STON2: variants seen among roughly 807,000 people sequenced by gnomAD.
STON2 encodes the protein stonin-2.
In STON2, 29 loss-of-function variants were observed where a neutral mutation model predicts 65.7. The observed-to-expected ratio is 0.44, with a 90% CI of 0.33 to 0.60. STON2 has a LOEUF of 0.60. Among genes scored for constraint, STON2 ranks in the 20% least tolerant of loss-of-function variants. The pLI, the probability that STON2 is intolerant of heterozygous loss-of-function variation, is 0.03. For missense variants in STON2, 1,054 were observed against 1,118.1 expected (o/e 0.94, Z 0.82); for synonymous variants, 404 against 414.2 (o/e 0.98, Z 0.30).
intron 5 of STON2, among the ~76,000 whole-genome samples, chr14:81,312,386 C>A (rs1434901406): frequency 6.6e-6 from 1 of 152,052 alleles, no homozygotes; most frequent in Non-Finnish European, 1.5e-5. Context: ...CCCATACTCT[C>A]TTATCTACAC....
intron 5 of STON2, among the ~76,000 whole-genome samples, chr14:81,304,359 T>C (rs1896088884): frequency 1.3e-5 from 2 of 152,120 alleles, no homozygotes; most frequent in African/African-American, 4.8e-5. Flanking sequence ...ACTGCTCTTA[T>C]CTCCCTCTTA....
intron 5 of STON2, among the ~76,000 whole-genome samples, chr14:81,305,577 G>GT (rs767739239): frequency 5.3e-5 from 8 of 151,812 alleles, no homozygotes; most frequent in African/African-American, 9.7e-5. Flanking sequence ...ATCTATAGAA[G>GT]TTTTTTTTAT....
chr14:81,324,138 A>T lies in STON2; in HGVS notation c.621T>A (p.Val207=), dbSNP rs1184864163. Among the ~76,000 whole-genome samples, 1 of 152,018 alleles carries T rather than the reference A, an allele frequency of 6.6e-6. No homozygotes were observed. Among genetic ancestry groups the T allele is most frequent in the African/African-American group, 2.4e-5 (1 of 41,386 alleles). The change falls in exon 5 of 8, where the codon GTT becomes GTA. Residue 207 remains valine (V), a synonymous_variant. Coordinates refer to ENST00000614646, the MANE Select transcript of STON2 (RefSeq NM_001394390.1). ...QTGRQTAVSP[V]QACSEHTSTR... is the part of the protein sequence containing the mutation. The stretch of plus-strand genomic sequence containing the variant: ...TGGAGGTATGCTCCGAGCATGCTTG[A>T]ACAGGACTCACTGCCGTCTGCCTGC...
intron 4 of STON2, among the ~76,000 whole-genome samples, chr14:81,347,116 G>A (rs981961684): frequency 3.3e-5 from 5 of 151,558 alleles, no homozygotes; most frequent in African/African-American, 4.8e-5. Flanking sequence ...AAAAAACCCC[G>A]AAGAATCAAC....
At chr14:81,315,858 T>C (rs1372792039) in intron 5 of STON2, among the ~76,000 whole-genome samples, 2 of 152,220 alleles carry the variant, frequency 1.3e-5, no homozygotes, top group African/African-American at 4.8e-5. Flanking sequence ...AACAATATAT[T>C]ATGTAGCATC....
chr14:81,395,657 G>C (rs1179163679), intron 3 of STON2: 1 of 506,730 alleles, frequency 2.0e-6, no homozygotes, highest in African/African-American at 1.9e-5. Context: ...AACAGCCAGG[G>C]ACAAGAGTAA....
At chr14:81,382,296 TTAC>T (rs754518789) in intron 3 of STON2, among the ~76,000 whole-genome samples, 12 of 152,134 alleles carry the variant, frequency 7.9e-5, no homozygotes, top group Non-Finnish European at 1.2e-4. Context: ...TTGTAGCATA[TTAC>T]TATAATGGAA....
At chr14:81,348,925 G>C (rs1897919198) in intron 4 of STON2, among the ~76,000 whole-genome samples, 1 of 151,992 alleles carries the variant, frequency 6.6e-6, no homozygotes, top group South Asian at 2.1e-4. Flanking sequence ...AAAGAGCCAA[G>C]AAATAAATCC....
chr14:81,291,044 GGAA>G (rs2140155678), intron 5 of STON2, among the ~76,000 whole-genome samples: 1 of 152,210 alleles, frequency 6.6e-6, no homozygotes, highest in South Asian at 2.1e-4. Flanking sequence ...CAGGATAGGA[GGAA>G]GTAGGGAGGG....
At position 81,270,746 on chromosome 14, in the gene STON2, C is replaced by G. The variant is rs1894547818; in HGVS notation, c.2708G>C (p.Ser903Thr). The change falls in exon 7 of 8, where the codon AGC (serine) becomes ACC (threonine). Residue 903 changes from serine (S) to threonine (T), a missense_variant. Transcript: ENST00000614646. ...GTCTTCTACAGAGATAGATCTCACGCTGGCTTTGGAGGCAGAAGTTGTGGG... is the reference window on the plus strand; with the variant it reads ...GTCTTCTACAGAGATAGATCTCACGGTGGCTTTGGAGGCAGAAGTTGTGGG... ...SMPTTSASKA[S>T]VRSISVEDKT... 1 of 1,614,046 alleles carries G rather than the reference C, an allele frequency of 6.2e-7. No homozygotes were observed.
At position 81,308,851 on chromosome 14, in the gene STON2, T is replaced by C. The variant is rs144110169; in HGVS notation, c.742+15166A>G. Among the ~76,000 whole-genome samples, 16 of 9,674 alleles carry C rather than the reference T, an allele frequency of 1.7e-3. 1 individual carries two copies. Among genetic ancestry groups the C allele is most frequent in the African/African-American group, 6.0e-3 (14 of 2,340 alleles). The allele number at this position is 9,674 out of a possible 152,430, so 6.3% of individuals were successfully genotyped here. On this transcript the variant is annotated intron_variant, in intron 5 of 7. Coordinates refer to ENST00000614646, the MANE Select transcript of STON2 (RefSeq NM_001394390.1). ...GTGTGTGTGTGTATATATATATATA[T>C]ACACATACATACATACATACATACA...
intron 5 of STON2, among the ~76,000 whole-genome samples, chr14:81,288,653 G>A (rs1174373696): frequency 6.6e-6 from 1 of 152,162 alleles, no homozygotes; most frequent in Non-Finnish European, 1.5e-5. Context: ...GGAGTTTGCA[G>A]GAGCTCAGCC....
chr14:81,419,333 C>G (rs1441340882), intron 2 of STON2, among the ~76,000 whole-genome samples: 1 of 152,136 alleles, frequency 6.6e-6, no homozygotes. Context: ...TAGTAAGTGG[C>G]AAAGCTAGGA....
chr14:81,288,666 T>C (rs1409390217), intron 5 of STON2, among the ~76,000 whole-genome samples: 1 of 152,168 alleles, frequency 6.6e-6, no homozygotes, highest in Non-Finnish European at 1.5e-5. Flanking sequence ...GCTCAGCCTT[T>C]TGGATGTGAA....
At chr14:81,419,262 A>G (rs1241669579) in intron 2 of STON2, among the ~76,000 whole-genome samples, 1 of 152,080 alleles carries the variant, frequency 6.6e-6, no homozygotes, top group African/African-American at 2.4e-5. Flanking sequence ...ATTACTAATG[A>G]CTCTTTTCCA....
chr14:81,335,976 A>G lies in STON2; in HGVS notation c.572-11789T>C, dbSNP rs114362443. 5.1e-3 allele frequency among the ~76,000 whole-genome samples: 770 copies of G among 152,192 alleles called. 2 individuals are homozygous for G. Among genetic ancestry groups the G allele is most frequent in the African/African-American group, 0.017 (718 of 41,514 alleles). On this transcript the variant is annotated intron_variant, in intron 4 of 7. Transcript: ENST00000614646. ...TGGTTTTTGTAGAGCTCAGCAGCAC[A>G]AAGGTTATGAGTGTCTGGTAGGGGC...
chr14:81,292,205 A>G (rs1053349847), intron 5 of STON2, among the ~76,000 whole-genome samples: 1 of 152,204 alleles, frequency 6.6e-6, no homozygotes, highest in Non-Finnish European at 1.5e-5. Flanking sequence ...CACAAATTCT[A>G]AAACTGATTT....
intron 4 of STON2, among the ~76,000 whole-genome samples, chr14:81,366,461 A>G (rs1198980557): frequency 1.3e-5 from 2 of 152,114 alleles, no homozygotes; most frequent in Non-Finnish European, 2.9e-5. Flanking sequence ...ACCCTGACAC[A>G]CTGTGCTGCC....
intron 3 of STON2, among the ~76,000 whole-genome samples, chr14:81,377,603 G>A (rs1899314268): frequency 1.3e-5 from 2 of 152,176 alleles, no homozygotes; most frequent in Admixed American, 1.3e-4. Context: ...GTTTTCCAAA[G>A]TGGTTGTACC....
Sources: allele counts gnomAD v4.1 joint callset (sites outside exome capture counted in the v4.1 genomes callset), GRCh38; gene constraint gnomAD v4.1.1; transcripts MANE v1.5; gene names NCBI Gene and HGNC (gene_info 2026-07-23, HGNC 2026-07-21).